The following RELL1 variants were observed in gnomAD, a reference collection of about 807,000 sequenced individuals.
RELL1 encodes RELT like 1.
In RELL1, 10 loss-of-function variants were observed where a neutral mutation model predicts 23.0. That is an observed-to-expected ratio of 0.43 (90% CI 0.27 to 0.74). The LOEUF is 0.74. RELL1 is among the 30% of genes least tolerant of loss of function. The pLI is 0.19. For synonymous variants in RELL1, 146 were observed against 146.8 expected, an observed-to-expected ratio of 0.99 and a Z score of 0.04; for missense variants, 315 against 364.4, an observed-to-expected ratio of 0.86 and a Z score of 1.10.
chr4:37,626,149 G>A (rs140279300), intron 6 of RELL1, among the ~76,000 whole-genome samples: 1 of 152,264 alleles, frequency 6.6e-6, no homozygotes, highest in Non-Finnish European at 1.5e-5. Flanking sequence ...CATTATTACA[G>A]TCATCATGGA....
At chr4:37,605,768 AG>A (rs1215010373), downstream of RELL1, among the ~76,000 whole-genome samples, 9 of 76,492 alleles carry the variant, frequency 1.2e-4, no homozygotes, top group South Asian at 5.2e-4. Flanking sequence ...ATAAAGAAAG[AG>A]AGAGAGAGAG....
chr4:37,685,079 T>A (rs1458988475), intron 1 of RELL1, among the ~76,000 whole-genome samples: 1 of 152,258 alleles, frequency 6.6e-6, no homozygotes, highest in Admixed American at 6.5e-5. Flanking sequence ...ATATTATCCA[T>A]CTCCTTCCCT....
chr4:37,596,736 ATTTTTTTTTTTT>A lies in RELL1; in HGVS notation c.*4-5531_*4-5520del, dbSNP rs1178565372. On this transcript the variant is annotated intron_variant, in intron 6 of 6. Transcript: ENST00000314117. ...TATATATATATATATATATATATAT[ATTTTTTTTTTTT>A]TTTTTTTTTTTTTTTTTGAGATGGA... Among the ~76,000 whole-genome samples the A allele has an allele frequency of 3.3e-3, 54 of 16,492 alleles. 1 individual carries two copies. The highest frequency in any genetic ancestry group is 7.1e-3 in the African/African-American group (54 of 7,586). 10.8% of individuals were successfully genotyped at this position (16,492 alleles called of 152,430 possible). A position where few individuals can be genotyped will look rare whatever the true frequency, so the allele number is the denominator to read the frequency against.
intron 6 of RELL1, among the ~76,000 whole-genome samples, chr4:37,596,736 A>ATATATATATATATTTTT (rs1365185216): frequency 6.1e-5 from 1 of 16,508 alleles, no homozygotes; most frequent in African/African-American, 1.3e-4. Flanking sequence ...ATATATATAT[A>ATATATATATATATTTTT]TTTTTTTTTT....
At chr4:37,625,678 A>C (rs1719913189) in intron 6 of RELL1, among the ~76,000 whole-genome samples, 3 of 152,236 alleles carry the variant, frequency 2.0e-5, no homozygotes, top group Non-Finnish European at 4.4e-5. Context: ...AGACTGTATC[A>C]GAAATCTATT....
At chr4:37,586,770 C>T (rs537879887), downstream of RELL1, among the ~76,000 whole-genome samples, 70 of 152,134 alleles carry the variant, frequency 4.6e-4, no homozygotes, top group Admixed American at 1.1e-3. Flanking sequence ...GTTAGCTGGG[C>T]GTGTTGGCAG....
intron 6 of RELL1, among the ~76,000 whole-genome samples, chr4:37,598,796 T>G (rs1257743303): frequency 6.6e-6 from 1 of 152,140 alleles, no homozygotes; most frequent in African/African-American, 2.4e-5. Flanking sequence ...GCGATTCTCC[T>G]GTCTCAGCCT....
Position 37,612,465 on chromosome 4 carries a change from G to A in RELL1, c.*881C>T, listed in dbSNP as rs752194315. ...AGCCTGACCAATATAGTGATACCCC[G>A]TCTCTACTAAAAATACAAAAATTAG... On this transcript the variant is annotated 3_prime_UTR_variant, in exon 7 of 7. Transcript: ENST00000454158. Among the ~76,000 whole-genome samples the A allele has an allele frequency of 1.3e-5, 2 of 151,584 alleles. No homozygotes were observed. The highest frequency in any genetic ancestry group is 2.4e-5 in the African/African-American group (1 of 41,234).
chr4:37,656,320 A>G (rs1721115084), intron 1 of RELL1, among the ~76,000 whole-genome samples: 2 of 152,182 alleles, frequency 1.3e-5, no homozygotes. Context: ...TAGAAACCAG[A>G]GAGTAGAATG....
rs1170867993 is a variant in RELL1, at chr4:37,611,130, A to AGAT, written c.*2213_*2215dup. Among the ~76,000 whole-genome samples, 4 of 152,254 alleles carry AGAT rather than the reference A, an allele frequency of 2.6e-5. No individual in the cohort carries two copies. Among genetic ancestry groups the AGAT allele is most frequent in the Non-Finnish European group, 5.9e-5 (4 of 68,034 alleles). On this transcript the variant is annotated 3_prime_UTR_variant, in exon 7 of 7. Coordinates refer to ENST00000454158, the MANE Select transcript of RELL1 (RefSeq NM_001085400.2). Reference sequence around the variant, plus strand: ...AAAAAAAAGTGCTCTGACTTGAATAAGATGGAAAAATAATTAAAGCTAAAG... The same window carrying AGAT: ...AAAAAAAAGTGCTCTGACTTGAATAAGATGATGGAAAAATAATTAAAGCTAAAG...
intron 6 of RELL1, among the ~76,000 whole-genome samples, chr4:37,629,485 G>C (rs926632124): frequency 1.3e-5 from 2 of 152,124 alleles, no homozygotes; most frequent in Non-Finnish European, 2.9e-5. Context: ...TTGAATTAAC[G>C]TTAGCTGCTG....
chr4:37,633,893 T>G (rs1156926755), intron 5 of RELL1, among the ~76,000 whole-genome samples: 1 of 152,106 alleles, frequency 6.6e-6, no homozygotes, highest in East Asian at 1.9e-4. Flanking sequence ...GAGGTAGAAG[T>G]GACGAGTTCA....
chr4:37,653,801 C>T (rs968828929), intron 1 of RELL1, among the ~76,000 whole-genome samples: 4 of 152,190 alleles, frequency 2.6e-5, no homozygotes, highest in African/African-American at 7.2e-5. Flanking sequence ...GCTCTTGGAA[C>T]CCAGCCACCA....
At chr4:37,669,898 TGCGGAAG>T (rs1721764430) in intron 1 of RELL1, among the ~76,000 whole-genome samples, 1 of 151,652 alleles carries the variant, frequency 6.6e-6, no homozygotes, top group Non-Finnish European at 1.5e-5. Context: ...ACACAAACAA[TGCGGAAG>T]GCCGCAGGGT....
chr4:37,591,045 A>C, exon 7 of RELL1: 1 of 1,514,408 alleles, frequency 6.6e-7, no homozygotes, highest in Non-Finnish European at 9.0e-7. Flanking sequence ...CATGCTGAGC[A>C]TGCAGATGCA....
chr4:37,615,511 G>T (rs1719545955), intron 6 of RELL1, among the ~76,000 whole-genome samples: 1 of 152,086 alleles, frequency 6.6e-6, no homozygotes, highest in Admixed American at 6.5e-5. Context: ...ATCATGTGTG[G>T]GTGGGCACAG....
intron 6 of RELL1, among the ~76,000 whole-genome samples, chr4:37,621,396 C>A (rs944081561): frequency 3.9e-5 from 6 of 151,912 alleles, no homozygotes; most frequent in Non-Finnish European, 7.4e-5. Context: ...GCAGAGCTTG[C>A]AGTGAGCCAA....
intron 6 of RELL1, among the ~76,000 whole-genome samples, chr4:37,598,241 C>A: frequency 1.1e-4 from 4 of 37,244 alleles, no homozygotes; most frequent in Admixed American, 8.0e-4. Context: ...AAACAAAGTG[C>A]AACTCTGTCT....
At chr4:37,629,636 C>A (rs1720057049) in intron 6 of RELL1, among the ~76,000 whole-genome samples, 1 of 152,194 alleles carries the variant, frequency 6.6e-6, no homozygotes, top group African/African-American at 2.4e-5. Flanking sequence ...TGCTCCTAAA[C>A]TCAGGAAGAG....
Sources: gnomAD v4.1 joint callset for allele counts (sites outside exome capture counted in the v4.1 genomes callset) on GRCh38, gnomAD v4.1.1 for gene constraint, MANE v1.5 for transcripts, NCBI Gene and HGNC (gene_info 2026-07-23, HGNC 2026-07-21) for gene names.